Variants in ADGRA2 observed in about 807,000 individuals in gnomAD.
ADGRA2 encodes the protein adhesion G protein-coupled receptor A2, also known as G-protein coupled receptor 124.
ADGRA2 carries 61 observed loss-of-function variants against 98.7 expected under a neutral mutation model. The ratio of observed to expected loss-of-function variants is 0.62; its 90% CI spans 0.50 to 0.76. ADGRA2 has a LOEUF of 0.76. ADGRA2 is among the 30% of genes least tolerant of loss of function. The probability of loss-of-function intolerance (pLI) is 0.00; values close to 1 mark genes in which losing one functional copy is unlikely to be tolerated. For missense variants in ADGRA2, 1,712 were observed against 1,860.0 expected, an observed-to-expected ratio of 0.92 and a Z score of 1.46; for synonymous variants, 858 against 831.5, an observed-to-expected ratio of 1.03 and a Z score of -0.55.
rs373908625 is a variant in ADGRA2, at chr8:37,803,951, C to A, written c.266+6417C>A. On this transcript the variant is annotated intron_variant, in intron 1 of 18. Transcript: ENST00000412232. ...CTCCTCCTCCCTTCCCCTGCCAGGG[C>A]TCCTAGCCTTGCTGGGAATTGTGTA... 4.3e-4 allele frequency among the ~76,000 whole-genome samples: 65 copies of A among 152,282 alleles called. No individual in the cohort carries two copies. The South Asian group carries it at 6.2e-3, about 15-fold the overall frequency.
intron 7 of ADGRA2, among the ~76,000 whole-genome samples, 163 bp downstream of exon 7, chr8:37,831,086 G>T (rs1479622048): frequency 6.6e-6 from 1 of 152,182 alleles, no homozygotes; most frequent in Non-Finnish European, 1.5e-5. Context: ...CTAGATAGAG[G>T]CTAGAAATAA....
At position 37,834,822 on chromosome 8, in the gene ADGRA2, T is replaced by C. The variant is rs554054777; in HGVS notation, c.1609-352T>C. ...TGGGAGGATCACTTGAGGCCTGGAA[T>C]TTGAGACTAGCCTGGGCAACATGGT... On this transcript the variant is annotated intron_variant, in intron 11 of 18. Transcript: ENST00000412232. The surrounding 1 kb of genome is among the most constrained non-coding windows in gnomAD (Gnocchi z 4.2). 6.6e-6 allele frequency among the ~76,000 whole-genome samples: 1 copy of C among 152,080 alleles called. No individual in the cohort carries two copies. The highest frequency in any genetic ancestry group is 6.5e-5 in the Admixed American group (1 of 15,286).
chr8:37,812,613 C>T (rs1205017484), intron 1 of ADGRA2, among the ~76,000 whole-genome samples: 2 of 151,750 alleles, frequency 1.3e-5, no homozygotes, highest in East Asian at 1.9e-4. Context: ...GGCAACAGAG[C>T]GAGACTCCGT....
At position 37,842,329 on chromosome 8, in the gene ADGRA2, C is replaced by T; in HGVS notation, c.3991C>T (p.Leu1331Phe). ...VASGGCMKTG[L>F]WKSETTV ...CAGCGGCGGCTGCATGAAGACCGGA[C>T]TCTGGAAGAGCGAAACTACCGTCTA... Residue 1331 changes from leucine (L) to phenylalanine (F), a missense_variant, in exon 19 of 19, where the codon CTC (leucine) becomes TTC (phenylalanine). Leu to Phe is a conservative substitution (Grantham distance 22). Coordinates refer to ENST00000412232, the MANE Select transcript of ADGRA2 (RefSeq NM_032777.10). The T allele has an allele frequency of 1.3e-6, 2 of 1,517,982 alleles. No homozygotes were observed. Among genetic ancestry groups the T allele is most frequent in the Non-Finnish European group, 1.8e-6 (2 of 1,137,742 alleles). The allele number at this position is 1,517,982 out of a possible 1,614,324, so 94.0% of individuals were successfully genotyped here.
chr8:37,842,575 G>T lies in ADGRA2; in HGVS notation c.*220G>T, dbSNP rs1423494736. On this transcript the variant is annotated 3_prime_UTR_variant, in exon 19 of 19. Transcript: ENST00000412232. The stretch of plus-strand genomic sequence containing the variant: ...GCATAATACATTTCCGTCCAGCCCG[G>T]GGCAGTCTGACTGTCGGTGCCCTCC... The T allele has an allele frequency of 2.2e-5, 17 of 764,842 alleles. No individual in the cohort carries two copies. The highest frequency in any genetic ancestry group is 3.1e-5 in the Non-Finnish European group (17 of 547,942). The allele number at this position is 764,842 out of a possible 1,614,324, so 47.4% of individuals were successfully genotyped here.
At chr8:37,811,166 G>GTT (rs1310638484) in intron 1 of ADGRA2, among the ~76,000 whole-genome samples, 2,132 of 99,350 alleles carry the variant, frequency 0.021, 26 homozygotes, top group East Asian at 0.084. Flanking sequence ...GTGTGTGTGT[G>GTT]TGTTTTTTTT....
rs1351670550 is a variant in ADGRA2, at chr8:37,814,101, C to CT, written c.267-792dup. ...TAAGCAATTAACTGGGGGATGAGCCCTTTGGCTGGCCTGGATCTCCCTCCT... is the reference window on the plus strand; with the variant it reads ...TAAGCAATTAACTGGGGGATGAGCCCTTTTGGCTGGCCTGGATCTCCCTCCT... On this transcript the variant is annotated intron_variant, in intron 1 of 18. Coordinates refer to ENST00000412232, the MANE Select transcript of ADGRA2 (RefSeq NM_032777.10). The surrounding 1 kb of genome is among the most constrained non-coding windows in gnomAD (Gnocchi z 4.3). Among the ~76,000 whole-genome samples, 1 of 152,206 alleles carries CT rather than the reference C, an allele frequency of 6.6e-6. No homozygotes were observed. Among genetic ancestry groups the CT allele is most frequent in the African/African-American group, 2.4e-5 (1 of 41,456 alleles).
intron 2 of ADGRA2, 66 bp from the exon 3 acceptor site, chr8:37,828,822 C>G (rs1368755589): frequency 7.6e-7 from 1 of 1,308,034 alleles, no homozygotes. Flanking sequence ...CAGTGAGGAC[C>G]CCTCCCGGGG....
rs755614655 is a variant in ADGRA2 at position 37,841,183 on chromosome 8, C to G, written c.2845C>G (p.Arg949Gly). 2 of 1,613,304 alleles carry G rather than the reference C, an allele frequency of 1.2e-6. No homozygotes were observed. Among genetic ancestry groups the G allele is most frequent in the Middle Eastern group, 1.6e-4 (1 of 6,062 alleles). Residue 949 changes from arginine (R) to glycine (G), a missense_variant, in exon 19 of 19, where the codon CGC becomes GGC. Coordinates refer to ENST00000412232, the MANE Select transcript of ADGRA2 (RefSeq NM_032777.10). This position sits in a 1 kb window ranked among gnomAD's most constrained non-coding sequence, Gnocchi z 5.0. ...GATCTATTTCCTGTGCGCCGGGCTA[C>G]GCTTACGGGGTCCTCTGGCACAGAA... ...TWIYFLCAGLRLRGPLAQNPK... is the reference protein window; with the variant it reads ...TWIYFLCAGLGLRGPLAQNPK...
At chr8:37,801,729 A>G (rs1279574937) in intron 1 of ADGRA2, among the ~76,000 whole-genome samples, 1 of 152,240 alleles carries the variant, frequency 6.6e-6, no homozygotes, top group South Asian at 2.1e-4. Flanking sequence ...AACTGAGGCC[A>G]GGAGAAGAAG....
At position 37,841,630 on chromosome 8, in the gene ADGRA2, G is replaced by T; in HGVS notation, c.3292G>T (p.Ala1098Ser). Residue 1098 changes from alanine (A) to serine (S), a missense_variant, in exon 19 of 19, where the codon GCC becomes TCC. By Grantham distance (99) the Ala-to-Ser change is moderately conservative. Coordinates refer to ENST00000412232, the MANE Select transcript of ADGRA2 (RefSeq NM_032777.10). The surrounding 1 kb of genome is among the most constrained non-coding windows in gnomAD (Gnocchi z 5.0). Reference protein sequence around the residue: ...SPAAPHAPPRALPAAAEDGSP... With the variant: ...SPAAPHAPPRSLPAAAEDGSP... ...CGCGGCCCCCCATGCCCCGCCCCGG[G>T]CCCTGCCCGCCGCCGCAGAGGACGG... is the stretch of plus-strand genomic sequence containing the variant. 1 of 1,528,744 alleles carries T rather than the reference G, an allele frequency of 6.5e-7. No individual in the cohort carries two copies. The highest frequency in any genetic ancestry group is 8.8e-7 in the Non-Finnish European group (1 of 1,137,820). The allele number at this position is 1,528,744 out of a possible 1,614,324, so 94.7% of individuals were successfully genotyped here. A position where few individuals can be genotyped will look rare whatever the true frequency, so the allele number is the denominator to read the frequency against.
chr8:37,808,129 G>A (rs1333543313), intron 1 of ADGRA2, among the ~76,000 whole-genome samples: 2 of 152,178 alleles, frequency 1.3e-5, no homozygotes, highest in Admixed American at 6.5e-5. Context: ...GAATGGACTC[G>A]GTGTGCCCCC....
In ADGRA2 at chr8:37,838,250, A is replaced by ATT. The variant is rs11335728; in HGVS notation, c.2259+331_2259+332dup. Among the ~76,000 whole-genome samples, 900 of 129,726 alleles carry ATT rather than the reference A, an allele frequency of 6.9e-3. 14 individuals are homozygous for ATT. Among genetic ancestry groups the ATT allele is most frequent in the African/African-American group, 0.024 (798 of 33,926 alleles). The allele number at this position is 129,726 out of a possible 152,430, so 85.1% of individuals were successfully genotyped here. ...CACATCCTGCACTTTCTGAGACCAG[A>ATT]TTTTTTTTTTTTTTTTTTTTTAGAC... On this transcript the variant is annotated intron_variant, in intron 14 of 18. Coordinates refer to ENST00000412232, the MANE Select transcript of ADGRA2 (RefSeq NM_032777.10).
chr8:37,815,481 C>T (rs764191633), intron 2 of ADGRA2, among the ~76,000 whole-genome samples: 31 of 152,372 alleles, frequency 2.0e-4, no homozygotes, highest in Non-Finnish European at 3.8e-4. Flanking sequence ...CAGTGGCAGC[C>T]TTCAGGCTGG....
At chr8:37,836,864 C>T (rs1363722903) in intron 13 of ADGRA2, among the ~76,000 whole-genome samples, 1 of 149,238 alleles carries the variant, frequency 6.7e-6, no homozygotes. Flanking sequence ...CCATCCTGTT[C>T]CTAGCACAGA....
At chr8:37,816,227 C>T (rs533278560) in intron 2 of ADGRA2, among the ~76,000 whole-genome samples, 59 of 152,250 alleles carry the variant, frequency 3.9e-4, no homozygotes, top group African/African-American at 1.3e-3. Context: ...GAGTTCAAGG[C>T]TGCAGTGAGC....
At chr8:37,835,422 G>A (rs750492624) in intron 12 of ADGRA2, 24 bp downstream of exon 12, 6 of 1,593,844 alleles carry the variant, frequency 3.8e-6, no homozygotes, top group Non-Finnish European at 5.1e-6. Context: ...GAGGGAGAGG[G>A]GGTGGGAGAA....
At chr8:37,839,187 C>A in intron 15 of ADGRA2, 104 bp downstream of exon 15, 1 of 1,469,550 alleles carries the variant, frequency 6.8e-7, no homozygotes, top group Non-Finnish European at 9.5e-7. Context: ...TCAATTCCAG[C>A]TTTGCAATGG....
intron 8 of ADGRA2, among the ~76,000 whole-genome samples, chr8:37,832,306 G>C (rs1418421804): frequency 2.0e-5 from 3 of 151,744 alleles, no homozygotes; most frequent in Non-Finnish European, 4.4e-5. Flanking sequence ...ACCCGCCTTG[G>C]CCTCCCGAAG....
Sources: allele counts gnomAD v4.1 joint callset (sites outside exome capture counted in the v4.1 genomes callset), GRCh38; gene constraint gnomAD v4.1.1; non-coding constraint Gnocchi (gnomAD v3.1); transcripts MANE v1.5; gene names NCBI Gene and HGNC (gene_info 2026-07-23, HGNC 2026-07-21).